Variants in CLDN18 observed in about 807,000 individuals in gnomAD.
CLDN18 encodes the protein claudin-18.
A neutral mutation model predicts 25.0 loss-of-function variants in CLDN18; 20 were observed. The observed-to-expected ratio is 0.80, with a 90% CI of 0.56 to 1.16. The LOEUF (loss-of-function observed/expected upper bound fraction) is 1.16. Among genes scored for constraint, CLDN18 ranks in the 50% most tolerant of loss-of-function variants. CLDN18 has a pLI of 0.00. For synonymous variants in CLDN18, 125 were observed against 135.6 expected, an observed-to-expected ratio of 0.92 and a Z score of 0.54; for missense variants, 297 against 345.4, an observed-to-expected ratio of 0.86 and a Z score of 1.11.
chr3:138,020,092 GAGA>G (rs1469706663), intron 1 of CLDN18, among the ~76,000 whole-genome samples: 5 of 152,180 alleles, frequency 3.3e-5, no homozygotes, highest in African/African-American at 1.2e-4. Flanking sequence ...CTTATCGATA[GAGA>G]AGATTAGGAT....
intron 1 of CLDN18, among the ~76,000 whole-genome samples, chr3:138,017,349 A>G (rs1942218129): frequency 6.6e-6 from 1 of 152,054 alleles, no homozygotes; most frequent in African/African-American, 2.4e-5. Flanking sequence ...ATTTTTTTTT[A>G]TATGACTATC....
chr3:138,026,772 G>A (rs1942332451), intron 3 of CLDN18, among the ~76,000 whole-genome samples: 1 of 152,190 alleles, frequency 6.6e-6, no homozygotes, highest in South Asian at 2.1e-4. Context: ...AAGGAAACAG[G>A]GACGGGAAGG....
chr3:138,013,503 G>T (rs1358280195), intron 1 of CLDN18, among the ~76,000 whole-genome samples: 2 of 152,252 alleles, frequency 1.3e-5, no homozygotes, highest in African/African-American at 4.8e-5. Flanking sequence ...GGCAAGAGAA[G>T]AAAGGCTTGA....
chr3:138,001,571 G>A (rs1017476224), intron 1 of CLDN18, among the ~76,000 whole-genome samples: 22 of 152,046 alleles, frequency 1.4e-4, no homozygotes, highest in African/African-American at 5.1e-4. Flanking sequence ...AGGCTCAGAG[G>A]AGCAAGGTGA....
At chr3:138,002,042 T>C (rs1197059123) in intron 1 of CLDN18, among the ~76,000 whole-genome samples, 1 of 152,166 alleles carries the variant, frequency 6.6e-6, no homozygotes, top group Non-Finnish European at 1.5e-5. Context: ...TGTTTTAGTG[T>C]TCAACCTTGA....
upstream of CLDN18, among the ~76,000 whole-genome samples, chr3:138,005,725 TAGAA>T (rs1302275121): frequency 6.6e-6 from 1 of 152,208 alleles, no homozygotes; most frequent in Non-Finnish European, 1.5e-5. Flanking sequence ...ATAAAATTCA[TAGAA>T]AGCAATATGG....
rs922555406 is a variant in CLDN18 at position 138,031,183 on chromosome 3, G to C, written c.*42G>C. 2 of 1,499,046 alleles carry C rather than the reference G, an allele frequency of 1.3e-6. No homozygotes were observed. The highest frequency in any genetic ancestry group is 2.8e-5 in the African/African-American group (2 of 71,672). 92.9% of individuals were successfully genotyped at this position (1,499,046 alleles called of 1,614,324 possible). A position where few individuals can be genotyped will look rare whatever the true frequency, so the allele number is the denominator to read the frequency against. ...AGCACGGGCGGAAGAAACTCCCGGA[G>C]AGCTCACCCAAAAAACAAGGAGATC... is the stretch of plus-strand genomic sequence containing the variant. On this transcript the variant is annotated 3_prime_UTR_variant, in exon 5 of 5. Coordinates refer to ENST00000183605, the MANE Select transcript of CLDN18 (RefSeq NM_016369.4).
Position 138,030,630 on chromosome 3 carries a change from G to T in CLDN18, c.615-340G>T, listed in dbSNP as rs564549091. Among the ~76,000 whole-genome samples, 8 of 152,290 alleles carry T rather than the reference G, an allele frequency of 5.3e-5. No homozygotes were observed. In the South Asian group the frequency reaches 1.7e-3, roughly 32 times the overall value. Reference sequence around the variant, plus strand: ...TTTCTGGTTCAGCTGTATTTTTATTGATTGAAAGAGGGAACTCATTAGTTA... The same window carrying T: ...TTTCTGGTTCAGCTGTATTTTTATTTATTGAAAGAGGGAACTCATTAGTTA... On this transcript the variant is annotated intron_variant, in intron 4 of 4. Transcript: ENST00000183605.
intron 1 of CLDN18, among the ~76,000 whole-genome samples, chr3:138,019,557 C>T (rs1942247182): frequency 6.6e-6 from 1 of 152,328 alleles, no homozygotes; most frequent in East Asian, 1.9e-4. Flanking sequence ...GATGCCAGCT[C>T]CTGAGAACCC....
chr3:138,003,071 G>A (rs1398769421), intron 1 of CLDN18, among the ~76,000 whole-genome samples: 8 of 152,090 alleles, frequency 5.3e-5, no homozygotes, highest in Admixed American at 2.0e-4. Flanking sequence ...CAGTCTCAAC[G>A]TCAGCCCTAT....
In CLDN18 at chr3:138,033,019, T is replaced by G. The variant is rs1229664250; in HGVS notation, c.*1878T>G. ...GCATTGGTGCAGGGGAACTTGGCCA[T>G]TAGGTTATTATTTGAGAGGAAAGTC... On this transcript the variant is annotated 3_prime_UTR_variant, in exon 5 of 5. Transcript: ENST00000183605. The G allele has an allele frequency of 6.6e-6, 1 of 152,152 alleles. No homozygotes were observed. The highest frequency in any genetic ancestry group is 1.5e-5 in the Non-Finnish European group (1 of 68,000). 9.4% of individuals were successfully genotyped at this position (152,152 alleles called of 1,614,324 possible).
chr3:138,023,904 C>A, intron 2 of CLDN18, 82 bp downstream of exon 2: 1 of 1,390,536 alleles, frequency 7.2e-7, no homozygotes, highest in South Asian at 1.3e-5. Flanking sequence ...CTCCTCCCTA[C>A]TGCTGAATGT....
At chr3:138,026,198 C>T (rs556929984) in intron 3 of CLDN18, among the ~76,000 whole-genome samples, 14 of 152,264 alleles carry the variant, frequency 9.2e-5, no homozygotes, top group African/African-American at 2.6e-4. Flanking sequence ...TCCTGTTCCC[C>T]GACTCTGTTA....
At chr3:138,008,996 C>T (rs1486406463), upstream of CLDN18, among the ~76,000 whole-genome samples, 2 of 152,204 alleles carry the variant, frequency 1.3e-5, no homozygotes, top group Non-Finnish European at 2.9e-5. Flanking sequence ...AACCAATTCT[C>T]TAGCAAAATT....
chr3:138,026,123 T>G (rs1349768663), intron 3 of CLDN18, among the ~76,000 whole-genome samples: 1 of 152,152 alleles, frequency 6.6e-6, no homozygotes, highest in African/African-American at 2.4e-5. Flanking sequence ...AAGAAAGACC[T>G]TGGCAGTAAC....
At chr3:138,001,953 A>T (rs1489269405) in intron 1 of CLDN18, among the ~76,000 whole-genome samples, 2 of 152,228 alleles carry the variant, frequency 1.3e-5, no homozygotes, top group Non-Finnish European at 2.9e-5. Context: ...TGAGTGTGAG[A>T]GATAGTGTTC....
At chr3:138,008,907 A>G (rs1437751116), upstream of CLDN18, among the ~76,000 whole-genome samples, 1 of 152,202 alleles carries the variant, frequency 6.6e-6, no homozygotes, top group Non-Finnish European at 1.5e-5. Context: ...TCTGGGCAAC[A>G]GAGCAAGACT....
At chr3:138,024,805 G>T in intron 3 of CLDN18, 81 bp downstream of exon 3, 1 of 789,796 alleles carries the variant, frequency 1.3e-6, no homozygotes, top group Non-Finnish European at 2.1e-6. Context: ...CACCTAATGT[G>T]ACTGTCAGTG....
chr3:138,025,193 T>C (rs1467619014), intron 3 of CLDN18, among the ~76,000 whole-genome samples: 1 of 152,240 alleles, frequency 6.6e-6, no homozygotes, highest in East Asian at 1.9e-4. Flanking sequence ...TTAATTCATT[T>C]ATTCTACAAA....
Sources: gnomAD v4.1 joint callset for allele counts (sites outside exome capture counted in the v4.1 genomes callset) on GRCh38, gnomAD v4.1.1 for gene constraint, MANE v1.5 for transcripts, NCBI Gene and HGNC (gene_info 2026-07-23, HGNC 2026-07-21) for gene names.